Variants in IGSF9B observed in about 807,000 individuals in gnomAD.
IGSF9B encodes the protein protein turtle homolog B.
IGSF9B carries 48 observed loss-of-function variants against 143.7 expected under a neutral mutation model. The ratio of observed to expected loss-of-function variants is 0.33; its 90% confidence interval spans 0.26 to 0.42. The LOEUF is 0.42. Ranked by LOEUF, IGSF9B falls within the 20% of genes least tolerant of loss-of-function variation. IGSF9B has a pLI of 1.00. For synonymous variants in IGSF9B, 903 were observed against 833.1 expected, an observed-to-expected ratio of 1.08 and a Z score of -1.44; for missense variants, 1,706 against 1,980.0, an observed-to-expected ratio of 0.86 and a Z score of 2.63.
At position 133,913,323 on chromosome 11, in the gene IGSF9B, G is replaced by A. The variant is rs1429121939; in HGVS notation, c.3984-1316C>T. Among the ~76,000 whole-genome samples the A allele has an allele frequency of 2.0e-5, 3 of 151,826 alleles. No individual in the cohort carries two copies. The highest frequency in any genetic ancestry group is 2.9e-5 in the Non-Finnish European group (2 of 67,948). ...CCCAAAGGTCAGCAAGCGGTCTGAGGTTAAAAAAAAAAATGTTAAGAGGGA... is the reference window on the plus strand; with the variant it reads ...CCCAAAGGTCAGCAAGCGGTCTGAGATTAAAAAAAAAAATGTTAAGAGGGA... On this transcript the variant is annotated intron_variant, in intron 18 of 19. Transcript: ENST00000533871. This position sits in a 1 kb window ranked among gnomAD's most constrained non-coding sequence, Gnocchi z 4.6.
At position 133,908,959 on chromosome 11, in the gene IGSF9B, C is replaced by T; in HGVS notation, c.*110G>A. 2 of 944,780 alleles carry T rather than the reference C, an allele frequency of 2.1e-6. No homozygotes were observed. Among genetic ancestry groups the T allele is most frequent in the Non-Finnish European group, 3.2e-6 (2 of 634,880 alleles). 58.5% of individuals were successfully genotyped at this position (944,780 alleles called of 1,614,324 possible). A position where few individuals can be genotyped will look rare whatever the true frequency, so the allele number is the denominator to read the frequency against. On this transcript the variant is annotated 3_prime_UTR_variant, in exon 20 of 20. Coordinates refer to ENST00000533871, the MANE Select transcript of IGSF9B (RefSeq NM_001277285.4). ...CTGGCAAAAGAGGGGGCATGCAGGA[C>T]AAAGGTCTGGGCCGCCCTTGGCAGA...
Position 133,902,554 on chromosome 11 carries a change from TACACACACACACCCCACACAC to T in IGSF9B, c.*6494_*6514del, listed in dbSNP as rs1427184603. ...ACACACATATACCACACACACCACA[TACACACACACACCCCACACAC>T]ACACACACACACCCCACTTACTTCC... On this transcript the variant is annotated 3_prime_UTR_variant, in exon 20 of 20. Coordinates refer to ENST00000533871, the MANE Select transcript of IGSF9B (RefSeq NM_001277285.4). Among the ~76,000 whole-genome samples, 7 of 110,298 alleles carry T rather than the reference TACACACACACACCCCACACAC, an allele frequency of 6.3e-5. No homozygotes were observed. Among genetic ancestry groups the T allele is most frequent in the Admixed American group, 5.3e-4 (6 of 11,290 alleles). 72.4% of individuals were successfully genotyped at this position (110,298 alleles called of 152,430 possible).
intron 18 of IGSF9B, among the ~76,000 whole-genome samples, chr11:133,918,384 G>C (rs1029147999): frequency 6.6e-6 from 1 of 152,214 alleles, no homozygotes; most frequent in African/African-American, 2.4e-5. Context: ...AGCAGGGAGG[G>C]GCACAGCGAG....
At chr11:133,925,079 ACTCTTACAATGG>A (rs1157931249) in intron 14 of IGSF9B, among the ~76,000 whole-genome samples, 175 bp from the exon 15 acceptor site, 1 of 151,978 alleles carries the variant, frequency 6.6e-6, no homozygotes, top group African/African-American at 2.4e-5. Context: ...TGGTGTAAAC[ACTCTTACAATGG>A]CTGACTTCAA....
intron 18 of IGSF9B, among the ~76,000 whole-genome samples, chr11:133,916,019 C>T (rs1939374236): frequency 6.6e-6 from 1 of 152,192 alleles, no homozygotes; most frequent in Admixed American, 6.5e-5. Flanking sequence ...CTGGCAGAAG[C>T]TTGTTTACAA....
chr11:133,930,245 G>C (rs1057396643), intron 11 of IGSF9B, among the ~76,000 whole-genome samples: 3 of 152,148 alleles, frequency 2.0e-5, no homozygotes, highest in African/African-American at 7.2e-5. Context: ...TCCTGGCTTC[G>C]ATTCCCGGAC....
In IGSF9B at chr11:133,902,622, GGACTA is replaced by G. The variant is rs934211448; in HGVS notation, c.*6442_*6446del. On this transcript the variant is annotated 3_prime_UTR_variant, in exon 20 of 20. Transcript: ENST00000533871. ...TTCCTGAATCCAGAAAAGAAACACTGGACTAGACAGCTGGCTGGGGGTTAGAGACC... is the reference window on the plus strand; with the variant it reads ...TTCCTGAATCCAGAAAAGAAACACTGGACAGCTGGCTGGGGGTTAGAGACC... Among the ~76,000 whole-genome samples the G allele has an allele frequency of 1.3e-4, 19 of 147,664 alleles. No individual in the cohort carries two copies. The highest frequency in any genetic ancestry group is 4.5e-4 in the African/African-American group (18 of 40,138).
Position 133,956,709 on chromosome 11 carries a change from G to C in IGSF9B, c.46C>G (p.Arg16Gly). 1.3e-6 allele frequency: 2 copies of C among 1,547,234 alleles called. No individual in the cohort carries two copies. The highest frequency in any genetic ancestry group is 1.7e-6 in the Non-Finnish European group (2 of 1,148,444). ...ATFIASVIGT[R>G]GLAAEGAHGL... The stretch of plus-strand genomic sequence containing the variant: ...AACTCACCTTCAGCCGCAAGCCCTC[G>C]GGTGCCGATCACACTTGCTATGAAA... Residue 16 changes from arginine (R) to glycine (G), a missense_variant, in exon 1 of 20, where the codon CGA becomes GGA. By Grantham distance (125) the Arg-to-Gly change is moderately radical. This residue lies in a region of IGSF9B where 171 missense variants were observed against 213.9 expected (regional missense o/e 0.80). Transcript: ENST00000533871.
In IGSF9B at chr11:133,922,660, G is replaced by A. The variant is rs527309216; in HGVS notation, c.2190C>T (p.Thr730=). The change falls in exon 16 of 20, where the codon ACC becomes ACT. Residue 730 remains threonine, a synonymous_variant. Coordinates refer to ENST00000533871, the MANE Select transcript of IGSF9B (RefSeq NM_001277285.4). ...ARPVLAGIVA[T]ICFLAAAILF... ...GGATGGCAGCTGCCAAGAAGCAGAT[G>A]GTAGCTACGATTCCCGCCAGCACAG... 24 of 1,593,892 alleles carry A rather than the reference G, an allele frequency of 1.5e-5. No homozygotes were observed. The East Asian group carries it at 5.5e-4, about 36-fold the overall frequency.
At chr11:133,956,580 G>T in intron 1 of IGSF9B, 111 bp downstream of exon 1, 3 of 694,936 alleles carry the variant, frequency 4.3e-6, no homozygotes, top group Non-Finnish European at 7.1e-6. Context: ...GGGAAGGCGC[G>T]CCGGGGAGCT....
At chr11:133,934,021 T>A (rs1939779442) in intron 7 of IGSF9B, among the ~76,000 whole-genome samples, 1 of 151,864 alleles carries the variant, frequency 6.6e-6, no homozygotes, top group African/African-American at 2.4e-5. Flanking sequence ...AAAGCGTTTA[T>A]GAATGGGAAA....
At chr11:133,939,742 C>T (rs960716816) in intron 3 of IGSF9B, among the ~76,000 whole-genome samples, 4 of 151,892 alleles carry the variant, frequency 2.6e-5, no homozygotes, top group East Asian at 3.9e-4. Context: ...GCACCTCGCA[C>T]GTCCTTGCAC....
Position 133,907,356 on chromosome 11 carries a change from T to G in IGSF9B, c.*1713A>C, listed in dbSNP as rs1939224428. 6.6e-6 allele frequency among the ~76,000 whole-genome samples: 1 copy of G among 152,196 alleles called. No individual in the cohort carries two copies. The highest frequency in any genetic ancestry group is 6.5e-5 in the Admixed American group (1 of 15,288). On this transcript the variant is annotated 3_prime_UTR_variant, in exon 20 of 20. Coordinates refer to ENST00000533871, the MANE Select transcript of IGSF9B (RefSeq NM_001277285.4). ...CTGCGAGGTCACTGGGCCAAGCCCA[T>G]GGCAGCTGCATGAGACCAGCAGAAG...
Position 133,949,419 on chromosome 11 carries a change from C to T in IGSF9B, c.65-3161G>A, listed in dbSNP as rs1940119056. Among the ~76,000 whole-genome samples, 3 of 152,136 alleles carry T rather than the reference C, an allele frequency of 2.0e-5. No individual in the cohort carries two copies. In the South Asian group the frequency reaches 6.2e-4, roughly 32 times the overall value. On this transcript the variant is annotated intron_variant, in intron 1 of 19. Coordinates refer to ENST00000533871, the MANE Select transcript of IGSF9B (RefSeq NM_001277285.4). The stretch of plus-strand genomic sequence containing the variant: ...TGATCATTTCTGAGCCAAAGTATGT[C>T]TAATAACACACTCTCTCCAGAAAAG...
At position 133,900,401 on chromosome 11, in the gene IGSF9B, G is replaced by C. The variant is rs1484595760; in HGVS notation, c.*8668C>G. 1 of 152,698 alleles carries C rather than the reference G, an allele frequency of 6.5e-6. No homozygotes were observed. Among genetic ancestry groups the C allele is most frequent in the African/African-American group, 2.4e-5 (1 of 41,386 alleles). The allele number at this position is 152,698 out of a possible 1,614,324, so 9.5% of individuals were successfully genotyped here. A position where few individuals can be genotyped will look rare whatever the true frequency, so the allele number is the denominator to read the frequency against. Reference sequence around the variant, plus strand: ...AAGGAGCTAGCACCAGGAGACGCTTGCTGAGGCTGCAAGGCAGAGCCCTTG... The same window carrying C: ...AAGGAGCTAGCACCAGGAGACGCTTCCTGAGGCTGCAAGGCAGAGCCCTTG... On this transcript the variant is annotated 3_prime_UTR_variant, in exon 20 of 20. Coordinates refer to ENST00000533871, the MANE Select transcript of IGSF9B (RefSeq NM_001277285.4).
intron 15 of IGSF9B, among the ~76,000 whole-genome samples, chr11:133,923,093 C>G (rs1305964978): frequency 6.6e-6 from 1 of 152,240 alleles, no homozygotes; most frequent in Non-Finnish European, 1.5e-5. Flanking sequence ...ACAGAGCACA[C>G]ATACTGTTCT....
At position 133,944,811 on chromosome 11, in the gene IGSF9B, C is replaced by T. The variant is rs553370271; in HGVS notation, c.263-445G>A. 1.3e-4 allele frequency among the ~76,000 whole-genome samples: 20 copies of T among 152,348 alleles called. No homozygotes were observed. The South Asian group carries it at 4.1e-3, about 32-fold the overall frequency. On this transcript the variant is annotated intron_variant, in intron 2 of 19. Coordinates refer to ENST00000533871, the MANE Select transcript of IGSF9B (RefSeq NM_001277285.4). Reference sequence around the variant, plus strand: ...CCTCCATTCAGGCTGAGCAATATCCCTATCCCAGCAGCATTTCCAGGACTA... The same window carrying T: ...CCTCCATTCAGGCTGAGCAATATCCTTATCCCAGCAGCATTTCCAGGACTA...
rs1009779061 is a variant in IGSF9B at position 133,944,508 on chromosome 11, C to T, written c.263-142G>A. On this transcript the variant is annotated intron_variant, in intron 2 of 19. Transcript: ENST00000533871. ...GGCAGGGCTCCAGAATAACAGCTGG[C>T]ACCCACCTCCAGCAGCAGGTGGCAA... The T allele has an allele frequency of 1.4e-5, 12 of 853,638 alleles. No homozygotes were observed. In the East Asian group the frequency reaches 3.0e-4, roughly 21 times the overall value. The allele number at this position is 853,638 out of a possible 1,614,324, so 52.9% of individuals were successfully genotyped here.
At chr11:133,955,607 C>A (rs2121356724) in intron 1 of IGSF9B, among the ~76,000 whole-genome samples, 1 of 152,342 alleles carries the variant, frequency 6.6e-6, no homozygotes. Flanking sequence ...GCTTGGTGAA[C>A]TTGCCCGCAG....
Sources: allele counts gnomAD v4.1 joint callset (sites outside exome capture counted in the v4.1 genomes callset), GRCh38; gene constraint gnomAD v4.1.1; regional missense constraint gnomAD v4.1.1; non-coding constraint Gnocchi (gnomAD v3.1); transcripts MANE v1.5; gene names NCBI Gene and HGNC (gene_info 2026-07-23, HGNC 2026-07-21).